CACNA1C: variants seen among roughly 807,000 people sequenced by gnomAD.
CACNA1C encodes the protein calcium voltage-gated channel subunit alpha1 C.
In CACNA1C, 30 loss-of-function variants were observed where a neutral mutation model predicts 229.0. That is an observed-to-expected ratio of 0.13 (90% CI 0.10 to 0.18). The LOEUF (loss-of-function observed/expected upper bound fraction) is 0.18, where lower values mean the gene tolerates loss of function less well. Among genes scored for constraint, CACNA1C ranks in the 10% least tolerant of loss-of-function variants. The pLI is 1.00. For missense variants in CACNA1C, 1,658 were observed against 2,845.0 expected (o/e 0.58, Z 9.49); for synonymous variants, 1,114 against 1,132.5 (o/e 0.98, Z 0.33).
intron 3 of CACNA1C, among the ~76,000 whole-genome samples, chr12:2,173,545 A>G (rs1427751151): frequency 1.3e-5 from 2 of 152,140 alleles, no homozygotes; most frequent in East Asian, 3.9e-4. Context: ...TAATCACCCC[A>G]TTTGTTGATA....
intron 3 of CACNA1C, among the ~76,000 whole-genome samples, chr12:2,433,712 T>C (rs1251936990): frequency 6.6e-6 from 1 of 152,154 alleles, no homozygotes; most frequent in Non-Finnish European, 1.5e-5. Flanking sequence ...GGAAGTTCTT[T>C]CTTGAGACAA....
chr12:2,032,859 C>T (rs886498377), intron 1 of CACNA1C, among the ~76,000 whole-genome samples: 8 of 152,180 alleles, frequency 5.3e-5, no homozygotes, highest in African/African-American at 1.9e-4. Context: ...GAACGAGGTC[C>T]TGATTTAACA....
intron 30 of CACNA1C, among the ~76,000 whole-genome samples, chr12:2,643,966 A>G (rs77408394): frequency 0.015 from 2,307 of 152,340 alleles, 23 homozygotes; most frequent in Non-Finnish European, 0.024. Context: ...AGGTAGTACA[A>G]GCGGAGAAGC....
intron 13 of CACNA1C, among the ~76,000 whole-genome samples, chr12:2,574,134 A>G (rs541410882): frequency 6.6e-6 from 1 of 152,360 alleles, no homozygotes; most frequent in South Asian, 2.1e-4. Context: ...ATTACTTTAT[A>G]GAAAAGATTG....
chr12:2,645,272 G>T (rs147661206), intron 30 of CACNA1C, among the ~76,000 whole-genome samples: 3 of 152,106 alleles, frequency 2.0e-5, no homozygotes, highest in Non-Finnish European at 4.4e-5. Flanking sequence ...GGAATCCTAC[G>T]GCCCCTTTCT....
chr12:2,599,727 A>C lies in CACNA1C; in HGVS notation c.2854-2127A>C, dbSNP rs144077800. Among the ~76,000 whole-genome samples the C allele has an allele frequency of 4.6e-5, 7 of 152,238 alleles. No homozygotes were observed. The South Asian group carries it at 1.0e-3, about 23-fold the overall frequency. On this transcript the variant is annotated intron_variant, in intron 21 of 46. Transcript: ENST00000399655. ...CGAGGTGGCTGGCAATCAGAAAAAA[A>C]GGGTCAAAGAGGAACAATTAGCACT... is the stretch of plus-strand genomic sequence containing the variant.
intron 2 of CACNA1C, among the ~76,000 whole-genome samples, chr12:2,119,678 T>C (rs1217398464): frequency 6.6e-6 from 1 of 152,092 alleles, no homozygotes; most frequent in Non-Finnish European, 1.5e-5. Context: ...GAGGGGTTTC[T>C]ATGCTGTCTG....
At chr12:2,050,841 G>C (rs756007101), upstream of CACNA1C, among the ~76,000 whole-genome samples, 3 of 152,188 alleles carry the variant, frequency 2.0e-5, no homozygotes, top group African/African-American at 4.8e-5. Context: ...GGTACCAAGG[G>C]ACGGACAGAT....
In CACNA1C at chr12:2,007,763, G is replaced by T. The variant is rs2429129; in HGVS notation, c.139+36562G>T. Among the ~76,000 whole-genome samples, 840 of 152,146 alleles carry T rather than the reference G, an allele frequency of 5.5e-3. 7 individuals carry two copies. Among genetic ancestry groups the T allele is most frequent in the African/African-American group, 0.019 (783 of 41,510 alleles). On this transcript the variant is annotated intron_variant, in intron 1 of 46. Coordinates refer to the CACNA1C transcript ENST00000682462. ...AAGTATCTTACACATTCCTATCTCT[G>T]TACCTTTGCCCATCTGTCTTCTTAG...
chr12:2,456,027 A>G (rs114858470), intron 4 of CACNA1C, among the ~76,000 whole-genome samples: 312 of 152,328 alleles, frequency 2.0e-3, no homozygotes, highest in African/African-American at 7.3e-3. Flanking sequence ...ACCTCCAGAC[A>G]CAGTAGAACC....
chr12:2,291,980 C>G (rs751477048), intron 3 of CACNA1C, among the ~76,000 whole-genome samples: 1 of 152,178 alleles, frequency 6.6e-6, no homozygotes, highest in Non-Finnish European at 1.5e-5. Flanking sequence ...TTTAAGTTTC[C>G]CACTGTTCTG....
chr12:2,458,398 G>C (rs2099459857), intron 5 of CACNA1C, among the ~76,000 whole-genome samples: 2 of 152,230 alleles, frequency 1.3e-5, no homozygotes, highest in Non-Finnish European at 2.9e-5. Flanking sequence ...TGCACCCCAG[G>C]TACTGAACAC....
chr12:2,421,956 A>G (rs992035715), intron 3 of CACNA1C, among the ~76,000 whole-genome samples: 2 of 151,958 alleles, frequency 1.3e-5, no homozygotes, highest in African/African-American at 2.4e-5. Context: ...TGTCATGGCC[A>G]TGCTAGGACA....
At chr12:2,688,409 G>C in intron 45 of CACNA1C, 38 bp from the exon 46 acceptor site, 1 of 1,600,432 alleles carries the variant, frequency 6.2e-7, no homozygotes, top group Middle Eastern at 1.7e-4. Flanking sequence ...TTTGGGGTCG[G>C]CCACTCCTAT....
At chr12:2,634,529 T>C (rs1226542721) in intron 30 of CACNA1C, 149 bp downstream of exon 30, 1 of 449,934 alleles carries the variant, frequency 2.2e-6, no homozygotes, top group Non-Finnish European at 4.0e-6. Flanking sequence ...TGAAGGTTTT[T>C]TTTTCCTTGT....
At chr12:2,358,251 CTGTGTGTGTGTG>C (rs57191390) in intron 3 of CACNA1C, among the ~76,000 whole-genome samples, 16,929 of 135,926 alleles carry the variant, frequency 0.12, 1,155 homozygotes, top group Middle Eastern at 0.19. Flanking sequence ...CGGCGTCCTC[CTGTGTGTGTGTG>C]TGTGTGTGTG....
intron 7 of CACNA1C, among the ~76,000 whole-genome samples, chr12:2,503,977 A>C (rs2099766101): frequency 6.6e-6 from 1 of 152,168 alleles, no homozygotes; most frequent in South Asian, 2.1e-4. Context: ...ATCTTTCCTC[A>C]CACCTCCTCT....
rs73605782 is a variant in CACNA1C at position 2,346,868 on chromosome 12, T to C, written c.478-102108T>C. 5.7e-3 allele frequency among the ~76,000 whole-genome samples: 872 copies of C among 152,296 alleles called. 6 individuals are homozygous for C. The highest frequency in any genetic ancestry group is 0.02 in the African/African-American group (823 of 41,554). On this transcript the variant is annotated intron_variant, in intron 3 of 46. Transcript: ENST00000399655. The surrounding 1 kb of genome is among the most constrained non-coding windows in gnomAD (Gnocchi z 4.4). ...TTGGTGCCTCACTCACCTCCAAGGC[T>C]TGTTAGGGGTGCCATGATTTGAACC...
At chr12:2,567,162 G>A (rs897690007) in intron 12 of CACNA1C, among the ~76,000 whole-genome samples, 5 of 152,214 alleles carry the variant, frequency 3.3e-5, no homozygotes, top group Admixed American at 6.5e-5. Context: ...AGAGTCCTGG[G>A]AGGCAGGGGG....
Sources: allele counts gnomAD v4.1 joint callset (sites outside exome capture counted in the v4.1 genomes callset), GRCh38; gene constraint gnomAD v4.1.1; non-coding constraint Gnocchi (gnomAD v3.1); transcripts MANE v1.5; gene names NCBI Gene and HGNC (gene_info 2026-07-23, HGNC 2026-07-21).